Variants in HIF3A observed in about 807,000 individuals in gnomAD.
The protein encoded by HIF3A is hypoxia-inducible factor 3-alpha.
A neutral mutation model predicts 67.2 loss-of-function variants in HIF3A; 41 were observed. That is an observed-to-expected ratio of 0.61 (90% CI 0.48 to 0.79). The LOEUF (loss-of-function observed/expected upper bound fraction) is 0.79, where lower values mean the gene tolerates loss of function less well. Among genes scored for constraint, HIF3A ranks in the 30% least tolerant of loss-of-function variants. HIF3A has a pLI of 0.00. For synonymous variants in HIF3A, 356 were observed against 374.8 expected, an observed-to-expected ratio of 0.95 and a Z score of 0.58; for missense variants, 855 against 898.0, an observed-to-expected ratio of 0.95 and a Z score of 0.61.
At chr19:46,313,022 G>C (rs1269886554) in intron 8 of HIF3A, 11 of 978,998 alleles carry the variant, frequency 1.1e-5, no homozygotes, top group Non-Finnish European at 9.7e-6. Flanking sequence ...GGCTGAGGTG[G>C]GCGGATTGCC....
intron 2 of HIF3A, 79 bp downstream of exon 2, chr19:46,304,167 C>T: frequency 7.7e-7 from 1 of 1,297,666 alleles, no homozygotes; most frequent in East Asian, 2.5e-5. Flanking sequence ...GAGGCCCCTC[C>T]TCCGGGAAGC....
chr19:46,338,481 G>T, intron 14 of HIF3A: 1 of 1,143,614 alleles, frequency 8.7e-7, no homozygotes, highest in Non-Finnish European at 1.1e-6. Flanking sequence ...GGGATTACTG[G>T]TATGAACCAC....
rs1377870583 is a variant in HIF3A at position 46,328,573 on chromosome 19, C to T, written c.1441-634C>T. The stretch of plus-strand genomic sequence containing the variant: ...ATATTTTCTACTTTCCACATAACTG[C>T]AGGCAACAGTGTTGCTAAACTTTCA... On this transcript the variant is annotated intron_variant, in intron 11 of 14. Coordinates refer to ENST00000377670, the MANE Select transcript of HIF3A (RefSeq NM_152795.4). Among the ~76,000 whole-genome samples, 5 of 152,168 alleles carry T rather than the reference C, an allele frequency of 3.3e-5. No individual in the cohort carries two copies. The South Asian group carries it at 1.0e-3, about 32-fold the overall frequency.
chr19:46,308,174 A>T (rs1969065286), intron 3 of HIF3A, 47 bp from the exon 4 acceptor site: 2 of 1,193,178 alleles, frequency 1.7e-6, no homozygotes, highest in South Asian at 1.2e-5. Flanking sequence ...GATGGAGGAG[A>T]TGGGTCAGAA....
intron 12 of HIF3A, 26 bp from the exon 13 acceptor site, chr19:46,331,130 T>G: frequency 2.9e-4 from 459 of 1,558,718 alleles, no homozygotes; most frequent in Non-Finnish European, 3.6e-4. Context: ...TGCTGTGTCC[T>G]GAGATTCTTG....
intron 4 of HIF3A, 42 bp from the exon 5 acceptor site, chr19:46,308,621 G>T (rs772978166): frequency 2.4e-6 from 3 of 1,247,506 alleles, no homozygotes; most frequent in African/African-American, 2.9e-5. Flanking sequence ...GGGCCTGTGT[G>T]TAGCTGCCTG....
chr19:46,339,028 CCTT>C (rs1971823967), intron 14 of HIF3A, among the ~76,000 whole-genome samples: 1 of 151,754 alleles, frequency 6.6e-6, no homozygotes, highest in African/African-American at 2.4e-5. Context: ...CACCTTTTTC[CCTT>C]CTTCTCCTCT....
chr19:46,326,063 G>C (rs1018492947), intron 11 of HIF3A, among the ~76,000 whole-genome samples: 1 of 152,196 alleles, frequency 6.6e-6, no homozygotes, highest in Non-Finnish European at 1.5e-5. Context: ...CACCTTATCT[G>C]CTGGTTTTTG....
rs185319071 is a variant in HIF3A at position 46,308,884 on chromosome 19, C to T, written c.561+109C>T. 170 of 771,734 alleles carry T rather than the reference C, an allele frequency of 2.2e-4. 2 individuals are homozygous for T. In the East Asian group the frequency reaches 3.1e-3, roughly 14 times the overall value. The allele number at this position is 771,734 out of a possible 1,614,324, so 47.8% of individuals were successfully genotyped here. On this transcript the variant is annotated intron_variant, in intron 5 of 14. Coordinates refer to ENST00000377670, the MANE Select transcript of HIF3A (RefSeq NM_152795.4). Reference sequence around the variant, plus strand: ...GGCATCTCCTAGGCTGGGGACCCTGCGGGGCTCACTCAGGTCAGGTCTAGC... The same window carrying T: ...GGCATCTCCTAGGCTGGGGACCCTGTGGGGCTCACTCAGGTCAGGTCTAGC...
intron 8 of HIF3A, among the ~76,000 whole-genome samples, chr19:46,315,355 C>T (rs1185316311): frequency 6.8e-6 from 1 of 147,150 alleles, no homozygotes; most frequent in African/African-American, 2.5e-5. Flanking sequence ...GCGTGAGCCA[C>T]CGCGCCCAGC....
intron 14 of HIF3A, among the ~76,000 whole-genome samples, chr19:46,337,159 G>C (rs933397217): frequency 1.3e-5 from 2 of 152,240 alleles, no homozygotes; most frequent in South Asian, 2.1e-4. Flanking sequence ...GCAAAGACCT[G>C]GAGTGAGTCC....
At position 46,339,719 on chromosome 19, in the gene HIF3A, A is replaced by G. The variant is rs1288175620; in HGVS notation, c.*97A>G. ...ACGCACAGGATGGGGGCGCCAGGAG[A>G]GGGGCCCCTCTCTCCTCTATGTACC... is the stretch of plus-strand genomic sequence containing the variant. On this transcript the variant is annotated 3_prime_UTR_variant, in exon 15 of 15. Transcript: ENST00000377670. The G allele has an allele frequency of 2.4e-6, 2 of 832,972 alleles. No homozygotes were observed. The highest frequency in any genetic ancestry group is 1.8e-6 in the Non-Finnish European group (1 of 550,762). The allele number at this position is 832,972 out of a possible 1,614,324, so 51.6% of individuals were successfully genotyped here.
At chr19:46,298,209 C>CCCCCATCCCCT in intron 1 of HIF3A, 1 of 334,540 alleles carries the variant, frequency 3.0e-6, no homozygotes, top group Non-Finnish European at 6.0e-6. Flanking sequence ...TTTCTAACCG[C>CCCCCATCCCCT]CCCCATCCTC....
chr19:46,338,959 A>G (rs1246111902), intron 14 of HIF3A, among the ~76,000 whole-genome samples: 1 of 152,152 alleles, frequency 6.6e-6, no homozygotes, highest in Non-Finnish European at 1.5e-5. Flanking sequence ...GTGGGATATG[A>G]TGAGGTTTCT....
At chr19:46,329,706 C>T (rs1391909449) in intron 12 of HIF3A, among the ~76,000 whole-genome samples, 1 of 152,160 alleles carries the variant, frequency 6.6e-6, no homozygotes, top group East Asian at 1.9e-4. Flanking sequence ...TTATCCAAAT[C>T]CCACCTGTCA....
rs901754581 is a variant in HIF3A at position 46,332,786 on chromosome 19, C to T, written c.1830+1513C>T. Reference sequence around the variant, plus strand: ...ATCACTTGAAGTCTGGAGTTCAAGTCCAGCCTGGCCAACATGGTGAAACCC... The same window carrying T: ...ATCACTTGAAGTCTGGAGTTCAAGTTCAGCCTGGCCAACATGGTGAAACCC... On this transcript the variant is annotated intron_variant, in intron 13 of 14. Coordinates refer to ENST00000377670, the MANE Select transcript of HIF3A (RefSeq NM_152795.4). Among the ~76,000 whole-genome samples, 9 of 152,226 alleles carry T rather than the reference C, an allele frequency of 5.9e-5. 1 individual carries two copies. In the South Asian group the frequency reaches 1.7e-3, roughly 28 times the overall value.
At chr19:46,305,006 G>A (rs936072243) in intron 2 of HIF3A, 9 of 635,540 alleles carry the variant, frequency 1.4e-5, no homozygotes, top group East Asian at 3.0e-5. Context: ...GTTCCCTTGG[G>A]AGACTCCTAC....
chr19:46,312,555 G>C lies in HIF3A; in HGVS notation c.927G>C (p.Arg309=). The stretch of plus-strand genomic sequence containing the variant: ...CAGGGCAGTATCGCTTCCTGGCCCG[G>C]AGTGGTGGCTACCTGTGGACCCAGA... The part of the protein sequence containing the change: ...AVTGQYRFLA[R]SGGYLWTQTQ... Residue 309 remains arginine, a synonymous_variant, in exon 8 of 15, where the codon CGG becomes CGC. Transcript: ENST00000377670. 2.5e-6 allele frequency: 4 copies of C among 1,613,746 alleles called. No homozygotes were observed. Among genetic ancestry groups the C allele is most frequent in the Non-Finnish European group, 3.4e-6 (4 of 1,179,872 alleles).
chr19:46,312,175 C>T lies in HIF3A; in HGVS notation c.785C>T (p.Ala262Val). ...CCCACCCCCAGGATTGCAGAAGTGG[C>T]TGGCTATAGTCCCGATGACCTGATC... ...TYCDDRIAEV[A>V]GYSPDDLIGC... Residue 262 changes from alanine (A) to valine (V), a missense_variant, in exon 7 of 15, where the codon GCT (alanine) becomes GTT (valine). Around this residue, in one of 3 missense-constraint regions of HIF3A, gnomAD observed 638 missense variants for 660.5 expected, o/e 0.97. Coordinates refer to ENST00000377670, the MANE Select transcript of HIF3A (RefSeq NM_152795.4). The T allele has an allele frequency of 6.2e-7, 1 of 1,614,072 alleles. No homozygotes were observed. The highest frequency in any genetic ancestry group is 8.5e-7 in the Non-Finnish European group (1 of 1,179,972).
Sources: allele counts gnomAD v4.1 joint callset (sites outside exome capture counted in the v4.1 genomes callset), GRCh38; gene constraint gnomAD v4.1.1; regional missense constraint gnomAD v4.1.1; transcripts MANE v1.5; gene names NCBI Gene and HGNC (gene_info 2026-07-23, HGNC 2026-07-21).